Variants in NUP214 observed in about 807,000 individuals in gnomAD.
NUP214 encodes the protein nuclear pore complex protein Nup214.
NUP214 carries 79 observed loss-of-function variants against 196.2 expected under a neutral mutation model. The observed-to-expected ratio is 0.40, with a 90% confidence interval of 0.34 to 0.49. The LOEUF (loss-of-function observed/expected upper bound fraction) is 0.49. Ranked by LOEUF, NUP214 falls within the 20% of genes least tolerant of loss-of-function variation. The pLI, the probability that NUP214 is intolerant of heterozygous loss-of-function variation, is 0.58. For synonymous variants in NUP214, 1,020 were observed against 990.5 expected (o/e 1.03, Z -0.56); for missense variants, 2,468 against 2,539.0 (o/e 0.97, Z 0.60).
At chr9:131,192,079 A>G in intron 26 of NUP214, 129 bp from the exon 27 acceptor site, 1 of 578,862 alleles carries the variant, frequency 1.7e-6, no homozygotes, top group South Asian at 2.9e-5. Context: ...GACGTGTCAC[A>G]GAAGGCACAT....
intron 18 of NUP214, among the ~76,000 whole-genome samples, chr9:131,161,187 A>G (rs1313606567): frequency 2.0e-5 from 3 of 150,362 alleles, no homozygotes; most frequent in East Asian, 1.9e-4. Flanking sequence ...AATCTGTACA[A>G]TTTTCTATTT....
At chr9:131,178,542 G>A (rs1014370908) in intron 24 of NUP214, 132 bp downstream of exon 24, 8 of 637,610 alleles carry the variant, frequency 1.3e-5, no homozygotes, top group South Asian at 5.8e-5. Context: ...GGGGGGTGGC[G>A]GCTAAGCCTG....
intron 31 of NUP214, among the ~76,000 whole-genome samples, chr9:131,217,706 T>G (rs1834442901): frequency 6.6e-6 from 1 of 152,228 alleles, no homozygotes; most frequent in Non-Finnish European, 1.5e-5. Context: ...GAAATTTGGG[T>G]TTATCCCAGA....
Position 131,190,820 on chromosome 9 carries a change from T to C in NUP214, c.3575-1388T>C, listed in dbSNP as rs148393295. The C allele has an allele frequency of 1.8e-3, 302 of 168,870 alleles. 3 individuals are homozygous for C. Among genetic ancestry groups the C allele is most frequent in the African/African-American group, 6.8e-3 (286 of 42,150 alleles). 10.5% of individuals were successfully genotyped at this position (168,870 alleles called of 1,614,324 possible). On this transcript the variant is annotated intron_variant, in intron 26 of 35. Coordinates refer to ENST00000359428, the MANE Select transcript of NUP214 (RefSeq NM_005085.4). ...TCCTATATACTGTATATCCTATATA[T>C]ATTGATTTTGTAACTTATTTCCCCT... is the stretch of plus-strand genomic sequence containing the variant.
At chr9:131,227,884 C>T (rs1367642911) in intron 32 of NUP214, among the ~76,000 whole-genome samples, 1 of 150,300 alleles carries the variant, frequency 6.7e-6, no homozygotes, top group Non-Finnish European at 1.5e-5. Context: ...CAGGAGCTCT[C>T]CTGAGTGGAC....
intron 9 of NUP214, 41 bp downstream of exon 9, chr9:131,136,047 T>A: frequency 6.8e-7 from 1 of 1,481,470 alleles, no homozygotes; most frequent in Non-Finnish European, 9.4e-7. Flanking sequence ...CTTTCTTTTT[T>A]AAATTATTAT....
chr9:131,231,365 G>T (rs578064449), intron 34 of NUP214, among the ~76,000 whole-genome samples: 1 of 152,026 alleles, frequency 6.6e-6, no homozygotes, highest in Non-Finnish European at 1.5e-5. Context: ...CTAATTTTTT[G>T]TGTTTTTAGT....
At position 131,133,095 on chromosome 9, in the gene NUP214, G is replaced by T. The variant is rs746419202; in HGVS notation, c.728-11G>T. The T allele has an allele frequency of 1.4e-5, 23 of 1,595,048 alleles. No individual in the cohort carries two copies. In the Admixed American group the frequency reaches 1.5e-4, roughly 10 times the overall value. On this transcript the variant is annotated splice_polypyrimidine_tract_variant and intron_variant, in intron 6 of 35. Transcript: ENST00000359428. ...ATTTTTATGAGCTACTGATTAAGAT[G>T]TGTCTTTCAGTTCTGGATGTGCTGT...
intron 14 of NUP214, among the ~76,000 whole-genome samples, chr9:131,148,330 TTG>T (rs1194774160): frequency 1.3e-5 from 2 of 152,258 alleles, no homozygotes; most frequent in Non-Finnish European, 2.9e-5. Context: ...ATGGAATTTA[TTG>T]TGTGATTATA....
chr9:131,180,756 G>A (rs1354497190), intron 24 of NUP214, among the ~76,000 whole-genome samples: 1 of 152,162 alleles, frequency 6.6e-6, no homozygotes, highest in African/African-American at 2.4e-5. Context: ...AGATAGGGTA[G>A]TTGAATAAGA....
chr9:131,135,284 TGTTTTTAGAGATG>T (rs1347832646), intron 8 of NUP214: 1 of 349,136 alleles, frequency 2.9e-6, no homozygotes, highest in Non-Finnish European at 5.2e-6. Flanking sequence ...TTTTGTTTTT[TGTTTTTAGAGATG>T]GGATCTTGCT....
chr9:131,176,890 C>T (rs1833136073), intron 23 of NUP214, among the ~76,000 whole-genome samples: 1 of 152,094 alleles, frequency 6.6e-6, no homozygotes, highest in African/African-American at 2.4e-5. Flanking sequence ...ACCCCTGAAA[C>T]AGTTGGCAGT....
At chr9:131,154,511 G>A (rs1471226821) in intron 17 of NUP214, among the ~76,000 whole-genome samples, 1 of 152,168 alleles carries the variant, frequency 6.6e-6, no homozygotes, top group African/African-American at 2.4e-5. Flanking sequence ...CTGGAGTGCA[G>A]TGGCGTGATC....
intron 30 of NUP214, among the ~76,000 whole-genome samples, chr9:131,206,162 T>TTTTTTTTTTTTTTTTTTTTTTTA (rs71372703): frequency 7.9e-6 from 1 of 126,340 alleles, no homozygotes; most frequent in African/African-American, 2.8e-5. Context: ...TTTTTTTTTT[T>TTTTTTTTTTTTTTTTTTTTTTTA]GAGACAGGGT....
At chr9:131,143,659 T>C (rs1831995490) in intron 11 of NUP214, among the ~76,000 whole-genome samples, 1 of 152,152 alleles carries the variant, frequency 6.6e-6, no homozygotes. Context: ...AGTCCTGAAA[T>C]TTTAAAATCT....
intron 14 of NUP214, among the ~76,000 whole-genome samples, chr9:131,148,442 T>C (rs1020097212): frequency 6.6e-6 from 1 of 152,252 alleles, no homozygotes; most frequent in Admixed American, 6.5e-5. Flanking sequence ...ACATCTTCAA[T>C]GAACACATAT....
At position 131,147,598 on chromosome 9, in the gene NUP214, C is replaced by T. The variant is rs1195152400; in HGVS notation, c.2040+14C>T. 6.4e-7 allele frequency: 1 copy of T among 1,573,124 alleles called. No individual in the cohort carries two copies. Among genetic ancestry groups the T allele is most frequent in the Non-Finnish European group, 8.7e-7 (1 of 1,144,538 alleles). On this transcript the variant is annotated intron_variant, in intron 14 of 35. Transcript: ENST00000359428. ...GGCTCTCCCCAGGTATGTTTAAATT[C>T]AGCTTGCAATGTTTGTGTTTATTAA... is the stretch of plus-strand genomic sequence containing the variant.
intron 14 of NUP214, among the ~76,000 whole-genome samples, chr9:131,149,171 A>G (rs1326133106): frequency 1.3e-5 from 2 of 151,952 alleles, no homozygotes; most frequent in South Asian, 2.1e-4. Flanking sequence ...ACACACCTGT[A>G]CTAGGTACAT....
intron 31 of NUP214, among the ~76,000 whole-genome samples, chr9:131,220,164 GT>G (rs538692859): frequency 6.6e-6 from 1 of 151,818 alleles, no homozygotes; most frequent in Non-Finnish European, 1.5e-5. Flanking sequence ...AGACAAACTT[GT>G]TTTTTTTACT....
Sources: gnomAD v4.1 joint callset for allele counts (sites outside exome capture counted in the v4.1 genomes callset) on GRCh38, gnomAD v4.1.1 for gene constraint, MANE v1.5 for transcripts, NCBI Gene and HGNC (gene_info 2026-07-23, HGNC 2026-07-21) for gene names.